Variants in CHRM3 observed in about 807,000 individuals in gnomAD.
The protein encoded by CHRM3 is muscarinic acetylcholine receptor M3.
In CHRM3, 11 loss-of-function variants were observed where a neutral mutation model predicts 41.8. That is an observed-to-expected ratio of 0.26 (90% CI 0.17 to 0.44). The LOEUF (loss-of-function observed/expected upper bound fraction) is 0.44, where lower values mean the gene tolerates loss of function less well. Among genes scored for constraint, CHRM3 ranks in the 20% least tolerant of loss-of-function variants. CHRM3 has a pLI of 1.00. For missense variants in CHRM3, 571 were observed against 745.4 expected, an observed-to-expected ratio of 0.77 and a Z score of 2.72; for synonymous variants, 297 against 301.4, an observed-to-expected ratio of 0.99 and a Z score of 0.15.
At chr1:239,633,631 C>G (rs965265080) in intron 4 of CHRM3, among the ~76,000 whole-genome samples, 1 of 152,138 alleles carries the variant, frequency 6.6e-6, no homozygotes, top group Non-Finnish European at 1.5e-5. Flanking sequence ...CAGTCATGGT[C>G]CCTGGGGAGA....
chr1:239,853,177 A>G (rs1269236443), intron 6 of CHRM3, among the ~76,000 whole-genome samples: 2 of 151,882 alleles, frequency 1.3e-5, no homozygotes, highest in East Asian at 3.8e-4. Flanking sequence ...GTCTTATCCT[A>G]TGAGATTTTA....
chr1:239,508,931 T>C (rs1259891358), intron 2 of CHRM3, among the ~76,000 whole-genome samples: 1 of 152,210 alleles, frequency 6.6e-6, no homozygotes, highest in Non-Finnish European at 1.5e-5. Flanking sequence ...TTGTAAGCAG[T>C]AGGGAAGACT....
intron 4 of CHRM3, among the ~76,000 whole-genome samples, chr1:239,676,842 C>T (rs976686273): frequency 8.5e-5 from 13 of 152,174 alleles, no homozygotes; most frequent in African/African-American, 2.9e-4. Flanking sequence ...GGGGTGTATG[C>T]TTTCATTTGT....
chr1:239,473,146 A>G (rs886309247), intron 1 of CHRM3, among the ~76,000 whole-genome samples: 8 of 152,096 alleles, frequency 5.3e-5, no homozygotes, highest in African/African-American at 1.9e-4. Context: ...ATTAAATACT[A>G]ACTTTTAAAA....
intron 3 of CHRM3, among the ~76,000 whole-genome samples, chr1:239,565,069 A>G (rs1164585890): frequency 6.6e-6 from 1 of 152,010 alleles, no homozygotes; most frequent in African/African-American, 2.4e-5. Context: ...TTCCATATTC[A>G]ATATTGCCTT....
intron 5 of CHRM3, among the ~76,000 whole-genome samples, chr1:239,708,736 C>CTT (rs869143310): frequency 0.032 from 1,524 of 48,364 alleles, 328 homozygotes; most frequent in African/African-American, 0.12. Flanking sequence ...TTTAAATTTT[C>CTT]TTTTTTTTTT....
At chr1:239,515,826 G>T (rs1015008535) in intron 2 of CHRM3, among the ~76,000 whole-genome samples, 3 of 152,144 alleles carry the variant, frequency 2.0e-5, no homozygotes, top group Non-Finnish European at 4.4e-5. Context: ...TTAGTTAAAA[G>T]TTAGATGCCT....
chr1:239,715,975 A>G (rs1662313587), intron 5 of CHRM3, among the ~76,000 whole-genome samples: 1 of 152,128 alleles, frequency 6.6e-6, no homozygotes, highest in South Asian at 2.1e-4. Flanking sequence ...TACCAGTACC[A>G]TTCTGCAGAG....
Position 239,914,295 on chromosome 1 carries a change from C to T in CHRM3, c.*5071C>T, listed in dbSNP as rs1172774060. The stretch of plus-strand genomic sequence containing the variant: ...ATCACTCTGTATCCTGTGGCTCACA[C>T]AGAATCTGGCAAATTGCATATATTC... On this transcript the variant is annotated 3_prime_UTR_variant, in exon 7 of 7. Coordinates refer to ENST00000676153, the MANE Select transcript of CHRM3 (RefSeq NM_001375978.1). 2 of 167,056 alleles carry T rather than the reference C, an allele frequency of 1.2e-5. No homozygotes were observed. The highest frequency in any genetic ancestry group is 2.1e-4 in the South Asian group (1 of 4,828). The allele number at this position is 167,056 out of a possible 1,614,324, so 10.3% of individuals were successfully genotyped here. A position where few individuals can be genotyped will look rare whatever the true frequency, so the allele number is the denominator to read the frequency against.
intron 5 of CHRM3, among the ~76,000 whole-genome samples, chr1:239,744,121 T>C (rs368479511): frequency 6.6e-5 from 10 of 152,096 alleles, no homozygotes; most frequent in African/African-American, 2.4e-4. Context: ...GTGACTTCCA[T>C]TTTAATGGCA....
chr1:239,662,023 CAGAAT>C (rs897390051), intron 4 of CHRM3, among the ~76,000 whole-genome samples: 1 of 150,322 alleles, frequency 6.7e-6, no homozygotes, highest in African/African-American at 2.5e-5. Context: ...TTAAAAAAAA[CAGAAT>C]AGAATAGAAT....
intron 5 of CHRM3, among the ~76,000 whole-genome samples, chr1:239,680,744 G>T (rs1338082534): frequency 1.3e-5 from 2 of 151,742 alleles, no homozygotes; most frequent in African/African-American, 4.8e-5. Context: ...AGTGCTTGTG[G>T]CTGAGGTCTT....
chr1:239,749,178 A>G (rs1418615639), intron 5 of CHRM3, among the ~76,000 whole-genome samples: 1 of 152,220 alleles, frequency 6.6e-6, no homozygotes, highest in African/African-American at 2.4e-5. Context: ...AGGTGGTCAA[A>G]CTTTACCTTT....
intron 6 of CHRM3, among the ~76,000 whole-genome samples, chr1:239,870,967 T>C (rs949397218): frequency 6.6e-6 from 1 of 152,130 alleles, no homozygotes; most frequent in Non-Finnish European, 1.5e-5. Flanking sequence ...TTACTTCTCC[T>C]GGCGTCACCC....
chr1:239,804,796 A>G (rs907114580), intron 5 of CHRM3, among the ~76,000 whole-genome samples: 6 of 152,166 alleles, frequency 3.9e-5, no homozygotes, highest in Non-Finnish European at 5.9e-5. Context: ...CGCCTCTCGC[A>G]TTGACTGTTT....
At chr1:239,709,086 A>C (rs1044695597) in intron 5 of CHRM3, among the ~76,000 whole-genome samples, 1 of 151,792 alleles carries the variant, frequency 6.6e-6, no homozygotes, top group Non-Finnish European at 1.5e-5. Flanking sequence ...ATCTGTTTCT[A>C]CCTATTTATT....
chr1:239,685,960 A>G (rs1004418332), intron 5 of CHRM3, among the ~76,000 whole-genome samples: 17 of 127,460 alleles, frequency 1.3e-4, no homozygotes, highest in African/African-American at 3.5e-4. Flanking sequence ...GCAAGACTCC[A>G]TCTCAAAACA....
At chr1:239,743,400 G>A (rs1665030404) in intron 5 of CHRM3, among the ~76,000 whole-genome samples, 1 of 152,110 alleles carries the variant, frequency 6.6e-6, no homozygotes, top group African/African-American at 2.4e-5. Flanking sequence ...CTCCTTAATA[G>A]TAGAACAATA....
intron 5 of CHRM3, among the ~76,000 whole-genome samples, chr1:239,795,345 AG>A (rs531379928): frequency 2.0e-3 from 302 of 152,328 alleles, no homozygotes; most frequent in African/African-American, 6.6e-3. Context: ...AGATCTTCCA[AG>A]AAAATGTAAG....
Sources: gnomAD v4.1 joint callset for allele counts (sites outside exome capture counted in the v4.1 genomes callset) on GRCh38, gnomAD v4.1.1 for gene constraint, MANE v1.5 for transcripts, NCBI Gene and HGNC (gene_info 2026-07-23, HGNC 2026-07-21) for gene names.